MMP26: variants seen among roughly 807,000 people sequenced by gnomAD.
MMP26 encodes the protein matrix metallopeptidase 26, also known as matrix metalloproteinase-26.
In MMP26, 33 loss-of-function variants were observed where a neutral mutation model predicts 31.0. That is an observed-to-expected ratio of 1.06 (90% CI 0.81 to 1.42). The LOEUF is 1.42. Ranked by LOEUF, MMP26 falls within the 40% of genes most tolerant of loss-of-function variation. The pLI is 0.00. For synonymous variants in MMP26, 122 were observed against 114.9 expected, an observed-to-expected ratio of 1.06 and a Z score of -0.40; for missense variants, 347 against 316.1, an observed-to-expected ratio of 1.10 and a Z score of -0.74.
chr11:4,717,405 T>C (rs923562700), intron 1 of MMP26, among the ~76,000 whole-genome samples: 4 of 152,284 alleles, frequency 2.6e-5, no homozygotes, highest in Admixed American at 2.0e-4. Flanking sequence ...CTCTTCTTTT[T>C]AACTTGGAAA....
rs751803581 is a variant in MMP26, at chr11:4,991,402, A to G, written c.501A>G (p.Pro167=). 3 of 1,613,832 alleles carry G rather than the reference A, an allele frequency of 1.9e-6. No homozygotes were observed. Among genetic ancestry groups the G allele is most frequent in the African/African-American group, 2.7e-5 (2 of 74,930 alleles). The change falls in exon 6 of 8, where the codon CCA becomes CCG. Residue 167 remains proline, a synonymous_variant. Transcript: ENST00000380390. ...AHEDGWPFDG[P]GGILGHAFLP... Reference sequence around the variant, plus strand: ...AAGATGGTTGGCCCTTTGATGGGCCAGGTGGTATCTTAGGCCATGCCTTTT... The same window carrying G: ...AAGATGGTTGGCCCTTTGATGGGCCGGGTGGTATCTTAGGCCATGCCTTTT...
At chr11:4,803,054 G>A (rs1282483446) in intron 2 of MMP26, among the ~76,000 whole-genome samples, 1 of 152,126 alleles carries the variant, frequency 6.6e-6, no homozygotes, top group Non-Finnish European at 1.5e-5. Flanking sequence ...ATTATTTGAT[G>A]TAAATTTCTA....
chr11:4,871,595 G>A (rs1460092517), intron 2 of MMP26: 1 of 152,082 alleles, frequency 6.6e-6, no homozygotes, highest in Non-Finnish European at 1.5e-5. Context: ...TTTGGTCCTG[G>A]GGGCATCTCC....
At chr11:4,821,198 G>T in intron 2 of MMP26, 2 of 558,998 alleles carry the variant, frequency 3.6e-6, no homozygotes, top group South Asian at 4.7e-5. Context: ...ATTTGATGTG[G>T]CACAGTTCAG....
At chr11:4,798,535 C>T (rs922371320) in intron 2 of MMP26, among the ~76,000 whole-genome samples, 1 of 152,208 alleles carries the variant, frequency 6.6e-6, no homozygotes, top group Non-Finnish European at 1.5e-5. Flanking sequence ...CGGAAACATA[C>T]TGCTTTGCAT....
intron 2 of MMP26, chr11:4,915,550 G>A: frequency 1.9e-6 from 3 of 1,614,076 alleles, no homozygotes; most frequent in Non-Finnish European, 2.5e-6. Flanking sequence ...CCAGATACAT[G>A]AAGCACAGTG....
chr11:4,767,480 T>C (rs1848647302), intron 2 of MMP26, 139 bp downstream of exon 2: 1 of 152,226 alleles, frequency 6.6e-6, no homozygotes, highest in Non-Finnish European at 1.5e-5. Flanking sequence ...TGATCTTTTA[T>C]TTTTTGTTGT....
chr11:4,723,528 G>A (rs966139789), intron 1 of MMP26: 5 of 1,199,158 alleles, frequency 4.2e-6, no homozygotes, highest in African/African-American at 1.5e-5. Flanking sequence ...AGTTGATCTC[G>A]TCAGTCAGCC....
At chr11:4,780,999 A>G (rs1433250960) in intron 2 of MMP26, among the ~76,000 whole-genome samples, 1 of 152,094 alleles carries the variant, frequency 6.6e-6, no homozygotes, top group Non-Finnish European at 1.5e-5. Flanking sequence ...GCTGAATTTC[A>G]AAAGTATCAT....
chr11:4,926,535 G>T (rs1316851297), intron 2 of MMP26, among the ~76,000 whole-genome samples: 1 of 152,154 alleles, frequency 6.6e-6, no homozygotes, highest in Non-Finnish European at 1.5e-5. Context: ...TAGTGAAGCT[G>T]GTTTGATTCT....
intron 1 of MMP26, among the ~76,000 whole-genome samples, chr11:4,761,327 A>C (rs889237893): frequency 1.3e-5 from 2 of 152,232 alleles, no homozygotes; most frequent in Non-Finnish European, 2.9e-5. Flanking sequence ...GAGAGCAGCC[A>C]CTTGATTTGG....
At chr11:4,789,522 TC>T (rs1483405079) in intron 2 of MMP26, among the ~76,000 whole-genome samples, 10 of 106,352 alleles carry the variant, frequency 9.4e-5, no homozygotes, top group Non-Finnish European at 1.6e-4. Context: ...GGTAAAGATA[TC>T]CCCCCACTTT....
intron 2 of MMP26, among the ~76,000 whole-genome samples, chr11:4,958,732 T>C (rs376092894): frequency 3.3e-4 from 51 of 152,338 alleles, no homozygotes; most frequent in Middle Eastern, 3.4e-3. Flanking sequence ...TTCCTGTAGT[T>C]ACGCCTCTTG....
At chr11:4,904,307 C>G (rs989109110) in intron 2 of MMP26, among the ~76,000 whole-genome samples, 1 of 152,020 alleles carries the variant, frequency 6.6e-6, no homozygotes, top group Admixed American at 6.6e-5. Context: ...AGATTTAAAC[C>G]AAGGTGTTTG....
chr11:4,815,732 T>C (rs755055380), intron 2 of MMP26, among the ~76,000 whole-genome samples: 6 of 152,300 alleles, frequency 3.9e-5, no homozygotes, highest in Non-Finnish European at 8.8e-5. Flanking sequence ...AAACTACTTA[T>C]GGATGCTATG....
intron 2 of MMP26, among the ~76,000 whole-genome samples, chr11:4,855,023 A>G (rs2133503889): frequency 6.6e-6 from 1 of 152,336 alleles, no homozygotes; most frequent in Admixed American, 6.5e-5. Flanking sequence ...AAGGAAAACT[A>G]ACAAACATAA....
At chr11:4,706,782 C>T (rs1335167791) in intron 1 of MMP26, among the ~76,000 whole-genome samples, 1 of 152,028 alleles carries the variant, frequency 6.6e-6, no homozygotes, top group South Asian at 2.1e-4. Context: ...TTTCCCTCTC[C>T]CTAGTCTGTT....
At chr11:4,844,210 T>G (rs188618869) in intron 2 of MMP26, among the ~76,000 whole-genome samples, 6 of 152,154 alleles carry the variant, frequency 3.9e-5, no homozygotes, top group Admixed American at 2.0e-4. Flanking sequence ...CCTACCAAGA[T>G]TGAACCACGA....
intron 2 of MMP26, among the ~76,000 whole-genome samples, chr11:4,967,179 A>G (rs1273276092): frequency 1.3e-5 from 2 of 152,156 alleles, no homozygotes; most frequent in African/African-American, 2.4e-5. Context: ...TAATTGGGAG[A>G]GTTGTAGTCA....
Sources: gnomAD v4.1 joint callset for allele counts (sites outside exome capture counted in the v4.1 genomes callset) on GRCh38, gnomAD v4.1.1 for gene constraint, MANE v1.5 for transcripts, NCBI Gene and HGNC (gene_info 2026-07-23, HGNC 2026-07-21) for gene names.